Variants in GFM1 observed in about 807,000 individuals in gnomAD.
The protein encoded by GFM1 is G elongation factor mitochondrial 1, also known as elongation factor G, mitochondrial.
Under a neutral mutation model 96.2 loss-of-function variants are expected in GFM1, and 62 were observed. That is an observed-to-expected ratio of 0.64 (90% CI 0.53 to 0.80). The LOEUF (loss-of-function observed/expected upper bound fraction) is 0.80, where lower values mean the gene tolerates loss of function less well. GFM1 is among the 30% of genes least tolerant of loss of function. The probability of loss-of-function intolerance (pLI) is 0.00; values close to 1 mark genes in which losing one functional copy is unlikely to be tolerated. For missense variants in GFM1, 852 were observed against 916.6 expected, an observed-to-expected ratio of 0.93 and a Z score of 0.91; for synonymous variants, 282 against 312.9, an observed-to-expected ratio of 0.90 and a Z score of 1.04.
rs1267028893 is a variant in GFM1 at position 158,694,863 on chromosome 3, T to A, written c.*3396T>A. On this transcript the variant is annotated 3_prime_UTR_variant, in exon 18 of 18. Coordinates refer to ENST00000486715, the MANE Select transcript of GFM1 (RefSeq NM_024996.7). ...AGACAAAATCCCTGGTATTATTTTA[T>A]ATGTCTTAAGAAAGTTCTAAAGGTA... Among the ~76,000 whole-genome samples the A allele has an allele frequency of 6.6e-6, 1 of 152,226 alleles. No individual in the cohort carries two copies. Among genetic ancestry groups the A allele is most frequent in the Admixed American group, 6.5e-5 (1 of 15,290 alleles).
At chr3:158,650,416 G>GTCAGAA (rs1722194279) in intron 5 of GFM1, 1 of 242,878 alleles carries the variant, frequency 4.1e-6, no homozygotes, top group Non-Finnish European at 8.4e-6. Flanking sequence ...TATTTCTGTT[G>GTCAGAA]TCAGAAGTAG....
intron 17 of GFM1, 49 bp downstream of exon 17, chr3:158,691,241 C>A: frequency 6.2e-7 from 1 of 1,601,968 alleles, no homozygotes; most frequent in South Asian, 1.1e-5. Flanking sequence ...ACAGAATGAT[C>A]ATATTATAAA....
intron 13 of GFM1, chr3:158,667,038 T>C: frequency 6.3e-7 from 1 of 1,596,500 alleles, no homozygotes; most frequent in Non-Finnish European, 8.5e-7. Flanking sequence ...TGAAGTAGAA[T>C]GGTGTAGTCT....
chr3:158,658,069 A>G (rs1024635731), intron 8 of GFM1, among the ~76,000 whole-genome samples: 4 of 151,812 alleles, frequency 2.6e-5, no homozygotes, highest in Non-Finnish European at 5.9e-5. Flanking sequence ...CTATTTTGTT[A>G]AGCCTATAAT....
Position 158,653,373 on chromosome 3 carries a change from A to C in GFM1, c.904A>C (p.Lys302Gln). The C allele has an allele frequency of 6.2e-7, 1 of 1,613,580 alleles. No individual in the cohort carries two copies. Among genetic ancestry groups the C allele is most frequent in the African/African-American group, 1.3e-5 (1 of 75,044 alleles). The change falls in exon 7 of 18, where the codon AAG becomes CAG. Residue 302 changes from lysine (K) to glutamine (Q), a missense_variant. Transcript: ENST00000486715. ...TCCTGTATTTTTGGGAAGCGCCTTG[A>C]AGAACAAAGGAGTTCAGCCTCTTTT... ...FTPVFLGSAL[K>Q]NKGVQPLLDA... is the part of the protein sequence containing the mutation.
intron 7 of GFM1, among the ~76,000 whole-genome samples, chr3:158,654,310 C>T (rs1322176865): frequency 7.0e-6 from 1 of 143,650 alleles, no homozygotes; most frequent in African/African-American, 2.6e-5. Flanking sequence ...AACTCCTGAG[C>T]TCAAGTGATC....
chr3:158,659,188 A>G, intron 9 of GFM1, 129 bp downstream of exon 9: 2 of 1,078,610 alleles, frequency 1.9e-6, no homozygotes, highest in Non-Finnish European at 2.7e-6. Flanking sequence ...TTTCTACTTA[A>G]ATGTGTTGTA....
chr3:158,659,142 A>G (rs1393346552), intron 9 of GFM1, 83 bp downstream of exon 9: 3 of 1,456,494 alleles, frequency 2.1e-6, no homozygotes, highest in Admixed American at 3.4e-5. Flanking sequence ...GCCCCACTAG[A>G]AAATTAATTC....
chr3:158,648,688 A>G (rs1015490018), intron 4 of GFM1, among the ~76,000 whole-genome samples: 2 of 151,612 alleles, frequency 1.3e-5, no homozygotes, highest in Non-Finnish European at 2.9e-5. Flanking sequence ...CAAAAAAAAA[A>G]AAAAAAAAAA....
intron 9 of GFM1, among the ~76,000 whole-genome samples, chr3:158,659,677 C>G (rs1213291239): frequency 1.3e-5 from 2 of 152,126 alleles, no homozygotes; most frequent in East Asian, 3.9e-4. Context: ...ATGGTTAGGC[C>G]TTGGAAGGAA....
At chr3:158,653,620 T>C (rs547093818) in intron 7 of GFM1, among the ~76,000 whole-genome samples, 153 bp downstream of exon 7, 2 of 152,156 alleles carry the variant, frequency 1.3e-5, no homozygotes, top group Non-Finnish European at 2.9e-5. Flanking sequence ...TTTTGACGTA[T>C]AGAAAAATAT....
At chr3:158,665,614 C>A in intron 12 of GFM1, 140 bp downstream of exon 12, 1 of 724,040 alleles carries the variant, frequency 1.4e-6, no homozygotes, top group Non-Finnish European at 2.5e-6. Flanking sequence ...ATGTGGTCTA[C>A]TGCTTCCTCT....
Position 158,675,310 on chromosome 3 carries a change from A to AAAGG in GFM1, c.1602-6685_1602-6684insAAGG, listed in dbSNP as rs370161147. On this transcript the variant is annotated intron_variant, in intron 13 of 17. Coordinates refer to ENST00000486715, the MANE Select transcript of GFM1 (RefSeq NM_024996.7). ...CAAAAAAAAAAAAAAAAAAAAAAAA[A>AAAGG]CAAGTTTTCAAGATAAAAGAGGAGC... is the stretch of plus-strand genomic sequence containing the variant. Among the ~76,000 whole-genome samples, 118 of 114,020 alleles carry AAAGG rather than the reference A, an allele frequency of 1.0e-3. 9 individuals are homozygous for AAAGG. Among genetic ancestry groups the AAAGG allele is most frequent in the African/African-American group, 1.0e-3 (29 of 28,264 alleles). The allele number at this position is 114,020 out of a possible 152,430, so 74.8% of individuals were successfully genotyped here. A position where few individuals can be genotyped will look rare whatever the true frequency, so the allele number is the denominator to read the frequency against.
chr3:158,674,785 C>G (rs1724728363), intron 13 of GFM1, among the ~76,000 whole-genome samples: 1 of 152,126 alleles, frequency 6.6e-6, no homozygotes, highest in African/African-American at 2.4e-5. Flanking sequence ...CTGTAGCTCA[C>G]CTTTTCCTGT....
At chr3:158,647,887 T>C (rs1721961445) in intron 4 of GFM1, among the ~76,000 whole-genome samples, 1 of 152,220 alleles carries the variant, frequency 6.6e-6, no homozygotes, top group African/African-American at 2.4e-5. Flanking sequence ...GTAACTTCTA[T>C]AAAGCAGATA....
At chr3:158,687,228 C>T (rs1057243531) in intron 15 of GFM1, among the ~76,000 whole-genome samples, 1 of 151,452 alleles carries the variant, frequency 6.6e-6, no homozygotes, top group African/African-American at 2.4e-5. Flanking sequence ...CCAGGCTGGT[C>T]TCAAACTCCT....
rs909930775 is a variant in GFM1 at position 158,694,617 on chromosome 3, C to T, written c.*3150C>T. 3.3e-5 allele frequency among the ~76,000 whole-genome samples: 5 copies of T among 152,120 alleles called. No homozygotes were observed. The highest frequency in any genetic ancestry group is 2.0e-4 in the Admixed American group (3 of 15,274). ...CTCGCTGTGTTTCCCAGGCTGCTCA[C>T]AAATTCATGAGCTCAAGCAGTCCTC... On this transcript the variant is annotated 3_prime_UTR_variant, in exon 18 of 18. Coordinates refer to ENST00000486715, the MANE Select transcript of GFM1 (RefSeq NM_024996.7).
Position 158,648,004 on chromosome 3 carries a change from G to C in GFM1, c.573-1037G>C, listed in dbSNP as rs529772146. On this transcript the variant is annotated intron_variant, in intron 4 of 17. Transcript: ENST00000486715. ...ATTGGGCTTATGAGAGAAATCTTGG[G>C]GTTGATCTTCCAGCTCACTAATTTG... is the stretch of plus-strand genomic sequence containing the variant. 8.6e-5 allele frequency among the ~76,000 whole-genome samples: 13 copies of C among 152,034 alleles called. No individual in the cohort carries two copies. The South Asian group carries it at 2.5e-3, about 29-fold the overall frequency.
intron 13 of GFM1, chr3:158,669,160 T>C: frequency 1.3e-6 from 2 of 1,591,540 alleles, no homozygotes; most frequent in Non-Finnish European, 1.7e-6. Context: ...TATATGATAA[T>C]CATATATATA....
Sources: allele counts gnomAD v4.1 joint callset (sites outside exome capture counted in the v4.1 genomes callset), GRCh38; gene constraint gnomAD v4.1.1; transcripts MANE v1.5; gene names NCBI Gene and HGNC (gene_info 2026-07-23, HGNC 2026-07-21).